XKR6: variants seen among roughly 807,000 people sequenced by gnomAD.
The protein encoded by XKR6 is XK-related protein 6.
Under a neutral mutation model 56.7 loss-of-function variants are expected in XKR6, and 22 were observed. The observed-to-expected ratio is 0.39, with a 90% CI of 0.28 to 0.55. The LOEUF is 0.55. Among genes scored for constraint, XKR6 ranks in the 20% least tolerant of loss-of-function variants. XKR6 has a pLI of 0.66. For synonymous variants in XKR6, 524 were observed against 387.8 expected, an observed-to-expected ratio of 1.35 and a Z score of -4.13; for missense variants, 852 against 889.0, an observed-to-expected ratio of 0.96 and a Z score of 0.53.
At chr8:10,908,351 G>A (rs570089530) in intron 2 of XKR6, among the ~76,000 whole-genome samples, 366 of 151,224 alleles carry the variant, frequency 2.4e-3, no homozygotes, top group Non-Finnish European at 3.2e-3. Context: ...GTCCTTAGAA[G>A]GGCCGGCAGG....
intron 1 of XKR6, among the ~76,000 whole-genome samples, chr8:11,128,221 G>A (rs772203771): frequency 1.3e-5 from 2 of 152,064 alleles, no homozygotes; most frequent in Non-Finnish European, 2.9e-5. Context: ...TACCCCACTG[G>A]CCAGACCTTC....
intron 1 of XKR6, among the ~76,000 whole-genome samples, chr8:11,096,712 C>G (rs889941022): frequency 9.2e-5 from 14 of 152,274 alleles, no homozygotes; most frequent in African/African-American, 2.9e-4. Context: ...CCAGGACAGG[C>G]AGGCCTCCTG....
chr8:11,022,295 C>T (rs995430550), intron 1 of XKR6, among the ~76,000 whole-genome samples: 2 of 151,964 alleles, frequency 1.3e-5, no homozygotes, highest in African/African-American at 4.8e-5. Flanking sequence ...TGGGCTGTAA[C>T]CAAGCCCCAT....
intron 1 of XKR6, among the ~76,000 whole-genome samples, chr8:11,166,539 C>T (rs546643194): frequency 1.3e-5 from 2 of 152,186 alleles, no homozygotes; most frequent in South Asian, 4.2e-4. Context: ...ATATTTAGTG[C>T]ATTTAATTTA....
chr8:11,192,207 G>C (rs1158937797), intron 1 of XKR6, among the ~76,000 whole-genome samples: 1 of 151,784 alleles, frequency 6.6e-6, no homozygotes, highest in South Asian at 2.1e-4. Flanking sequence ...CACTGAGGCT[G>C]CAGTGCAGTG....
At chr8:11,096,325 G>A (rs986440500) in intron 1 of XKR6, among the ~76,000 whole-genome samples, 73 of 151,704 alleles carry the variant, frequency 4.8e-4, no homozygotes, top group African/African-American at 1.6e-3. Flanking sequence ...ATGCCAACTT[G>A]TCAACAAATA....
chr8:10,929,895 T>A (rs1421197598), intron 1 of XKR6, among the ~76,000 whole-genome samples: 1 of 152,192 alleles, frequency 6.6e-6, no homozygotes, highest in African/African-American at 2.4e-5. Context: ...CTCCTTTCCT[T>A]ACTTTGTAAG....
intron 1 of XKR6, among the ~76,000 whole-genome samples, chr8:11,092,929 C>G (rs1260582933): frequency 1.3e-5 from 2 of 152,240 alleles, no homozygotes; most frequent in African/African-American, 4.8e-5. Flanking sequence ...TGGCCCAGGA[C>G]CCCCGCTGAG....
intron 1 of XKR6, among the ~76,000 whole-genome samples, chr8:11,167,070 C>A (rs1156767348): frequency 2.0e-5 from 3 of 151,962 alleles, no homozygotes; most frequent in Non-Finnish European, 4.4e-5. Flanking sequence ...TGGACTACTG[C>A]AAGAGAACAA....
intron 1 of XKR6, among the ~76,000 whole-genome samples, chr8:11,141,730 T>C (rs1198410570): frequency 6.6e-6 from 1 of 152,134 alleles, no homozygotes; most frequent in African/African-American, 2.4e-5. Flanking sequence ...TGGGAGCCTA[T>C]CTGTCTCCAT....
intron 1 of XKR6, among the ~76,000 whole-genome samples, chr8:11,132,694 G>A (rs1338628891): frequency 1.3e-5 from 2 of 151,700 alleles, no homozygotes; most frequent in African/African-American, 4.9e-5. Flanking sequence ...TGTCATACCT[G>A]GCAATGGCCT....
chr8:11,089,507 C>G (rs1797997743), intron 1 of XKR6, among the ~76,000 whole-genome samples: 1 of 152,074 alleles, frequency 6.6e-6, no homozygotes, highest in Admixed American at 6.6e-5. Context: ...TGTATTGATG[C>G]ATGCTTATAG....
At chr8:11,143,854 T>C (rs942736628) in intron 1 of XKR6, among the ~76,000 whole-genome samples, 1 of 152,110 alleles carries the variant, frequency 6.6e-6, no homozygotes, top group African/African-American at 2.4e-5. Context: ...ACAACAGAAA[T>C]TGATTTTCCC....
chr8:11,096,537 G>A (rs76041188), intron 1 of XKR6, among the ~76,000 whole-genome samples: 35 of 152,296 alleles, frequency 2.3e-4, no homozygotes, highest in Non-Finnish European at 2.1e-4. Context: ...ACTGAATAAG[G>A]TATCAGACGG....
At chr8:11,186,161 C>G (rs1803261863) in intron 1 of XKR6, among the ~76,000 whole-genome samples, 1 of 152,014 alleles carries the variant, frequency 6.6e-6, no homozygotes, top group African/African-American at 2.4e-5. Flanking sequence ...TTTATACATA[C>G]ACACACATAG....
intron 1 of XKR6, among the ~76,000 whole-genome samples, chr8:10,925,360 C>T (rs1416804933): frequency 6.6e-6 from 1 of 152,228 alleles, no homozygotes; most frequent in Non-Finnish European, 1.5e-5. Context: ...ATGATACAGA[C>T]AGGAAACAGC....
chr8:11,108,843 C>G (rs1269714268), intron 1 of XKR6: 1 of 154,718 alleles, frequency 6.5e-6, no homozygotes, highest in East Asian at 1.9e-4. Context: ...CCACAGAAAC[C>G]ACACGAATAC....
At chr8:11,044,183 G>A (rs1418789055) in intron 1 of XKR6, among the ~76,000 whole-genome samples, 1 of 152,142 alleles carries the variant, frequency 6.6e-6, no homozygotes, top group Non-Finnish European at 1.5e-5. Flanking sequence ...GAGCACTGAG[G>A]GCCTTCATGT....
intron 1 of XKR6, among the ~76,000 whole-genome samples, chr8:10,939,941 T>G (rs1260381504): frequency 1.3e-5 from 2 of 152,178 alleles, no homozygotes; most frequent in African/African-American, 4.8e-5. Flanking sequence ...CTCCCCCAGG[T>G]GTGTCCCCTG....
Sources: gnomAD v4.1 joint callset for allele counts (sites outside exome capture counted in the v4.1 genomes callset) on GRCh38, gnomAD v4.1.1 for gene constraint, MANE v1.5 for transcripts, NCBI Gene and HGNC (gene_info 2026-07-23, HGNC 2026-07-21) for gene names.